PTH2R: variants seen among roughly 807,000 people sequenced by gnomAD.
PTH2R encodes PTH2 receptor.
PTH2R carries 59 observed loss-of-function variants against 60.3 expected under a neutral mutation model. The ratio of observed to expected loss-of-function variants is 0.98; its 90% CI spans 0.79 to 1.22. The LOEUF is 1.22. PTH2R is among the 50% of genes most tolerant of loss of function. The pLI, the probability that PTH2R is intolerant of heterozygous loss-of-function variation, is 0.00. For synonymous variants in PTH2R, 256 were observed against 243.8 expected, an observed-to-expected ratio of 1.05 and a Z score of -0.47; for missense variants, 749 against 682.6, an observed-to-expected ratio of 1.10 and a Z score of -1.08.
intron 1 of PTH2R, among the ~76,000 whole-genome samples, chr2:208,420,582 T>C (rs1701735029): frequency 6.6e-6 from 1 of 152,222 alleles, no homozygotes; most frequent in Non-Finnish European, 1.5e-5. Flanking sequence ...GTCATTAAAC[T>C]AAACAATTCC....
At chr2:208,417,732 T>C (rs1285084609) in intron 1 of PTH2R, among the ~76,000 whole-genome samples, 1 of 151,868 alleles carries the variant, frequency 6.6e-6, no homozygotes, top group Admixed American at 6.6e-5. Flanking sequence ...TGGGAATCTA[T>C]GGTCTAACAG....
At chr2:208,466,693 C>T (rs1702760902) in intron 9 of PTH2R, 1 of 152,166 alleles carries the variant, frequency 6.6e-6, no homozygotes, top group South Asian at 2.1e-4. Context: ...AGCTCCTTTG[C>T]CCATTTTTAA....
intron 1 of PTH2R, among the ~76,000 whole-genome samples, chr2:208,368,494 CT>C (rs889579551): frequency 1.3e-5 from 2 of 152,146 alleles, no homozygotes; most frequent in African/African-American, 4.8e-5. Context: ...TGGATCTTGC[CT>C]CAACTAACCC....
chr2:208,370,164 C>G (rs1315060718), intron 1 of PTH2R, among the ~76,000 whole-genome samples: 1 of 151,918 alleles, frequency 6.6e-6, no homozygotes, highest in African/African-American at 2.4e-5. Context: ...GAAAGGTTGG[C>G]CGGGCACGGT....
At chr2:208,482,769 G>T (rs767898375) in intron 10 of PTH2R, among the ~76,000 whole-genome samples, 7 of 152,122 alleles carry the variant, frequency 4.6e-5, no homozygotes, top group African/African-American at 1.7e-4. Flanking sequence ...AGATGAGGGC[G>T]TTTATAGCCC....
intron 1 of PTH2R, among the ~76,000 whole-genome samples, chr2:208,388,174 G>A (rs746089772): frequency 6.1e-5 from 9 of 146,826 alleles, no homozygotes; most frequent in Non-Finnish European, 1.2e-4. Context: ...AAATTAGCCG[G>A]GCGTGGTGGC....
chr2:208,398,502 CA>C, intron 1 of PTH2R, among the ~76,000 whole-genome samples: 1 of 152,192 alleles, frequency 6.6e-6, no homozygotes, highest in Non-Finnish European at 1.5e-5. Flanking sequence ...CATGTGTCCT[CA>C]GACCAAGAAA....
intron 1 of PTH2R, among the ~76,000 whole-genome samples, chr2:208,390,461 AT>A (rs1250129820): frequency 6.6e-6 from 1 of 152,230 alleles, no homozygotes; most frequent in Non-Finnish European, 1.5e-5. Context: ...GTGTCGTTGA[AT>A]TGAGTGAACT....
chr2:208,481,049 T>TA, intron 9 of PTH2R, 21 bp from the exon 10 acceptor site: 1 of 1,487,024 alleles, frequency 6.7e-7, no homozygotes, highest in Admixed American at 1.8e-5. Flanking sequence ...TAATTCTTTG[T>TA]AATCTTACCT....
intron 1 of PTH2R, among the ~76,000 whole-genome samples, chr2:208,367,859 C>T (rs1015259198): frequency 1.3e-5 from 2 of 152,282 alleles, no homozygotes; most frequent in Admixed American, 6.5e-5. Flanking sequence ...CTTCTGGACT[C>T]CCTTACTCAC....
At chr2:208,443,588 A>C (rs1465551817) in intron 6 of PTH2R, 51 bp downstream of exon 6, 4 of 1,446,894 alleles carry the variant, frequency 2.8e-6, no homozygotes, top group African/African-American at 1.4e-5. Context: ...AACACTACAA[A>C]TAAGTACAAT....
chr2:208,362,862 G>GTA (rs1289838273), intron 1 of PTH2R, among the ~76,000 whole-genome samples: 2,562 of 140,036 alleles, frequency 0.018, 71 homozygotes, highest in African/African-American at 0.062. Context: ...GTGTGTGTGT[G>GTA]TTTAATGGCT....
intron 1 of PTH2R, among the ~76,000 whole-genome samples, chr2:208,370,442 C>CAAAAA (rs71041305): frequency 5.4e-4 from 33 of 61,644 alleles, no homozygotes; most frequent in African/African-American, 2.2e-3. Context: ...GACTCCGTCT[C>CAAAAA]AAAAAAAAAA....
chr2:208,437,468 A>G (rs1440174891), intron 2 of PTH2R, 69 bp from the exon 3 acceptor site: 1 of 1,340,764 alleles, frequency 7.5e-7, no homozygotes, highest in Middle Eastern at 2.0e-4. Flanking sequence ...TGTTTTTTGA[A>G]TGCATTTGTT....
intron 11 of PTH2R, among the ~76,000 whole-genome samples, chr2:208,490,098 G>C (rs1703369975): frequency 6.6e-6 from 1 of 151,814 alleles, no homozygotes; most frequent in Admixed American, 6.6e-5. Flanking sequence ...TTTTTCTCAT[G>C]TGCTATTTGT....
intron 1 of PTH2R, among the ~76,000 whole-genome samples, chr2:208,395,376 C>G (rs987930055): frequency 3.3e-5 from 5 of 151,920 alleles, no homozygotes; most frequent in African/African-American, 1.2e-4. Context: ...CAAAAGGAAG[C>G]TGCGGTATTG....
intron 1 of PTH2R, among the ~76,000 whole-genome samples, chr2:208,418,622 A>G (rs1428776006): frequency 2.0e-5 from 3 of 152,162 alleles, no homozygotes; most frequent in Non-Finnish European, 2.9e-5. Context: ...TAAAAATTAT[A>G]CTAAATGAGG....
At chr2:208,428,453 C>G in intron 2 of PTH2R, 150 bp downstream of exon 2, 1 of 604,192 alleles carries the variant, frequency 1.7e-6, no homozygotes, top group Non-Finnish European at 2.9e-6. Flanking sequence ...CAACAACACT[C>G]TTTTCATCTC....
intron 1 of PTH2R, among the ~76,000 whole-genome samples, chr2:208,421,547 A>G (rs920146679): frequency 6.6e-6 from 1 of 152,162 alleles, no homozygotes; most frequent in Non-Finnish European, 1.5e-5. Context: ...TATTTTTCTC[A>G]AAACTATAAT....
Sources: gnomAD v4.1 joint callset for allele counts (sites outside exome capture counted in the v4.1 genomes callset) on GRCh38, gnomAD v4.1.1 for gene constraint, MANE v1.5 for transcripts, NCBI Gene and HGNC (gene_info 2026-07-23, HGNC 2026-07-21) for gene names.